Variants in PRKD1 observed in about 807,000 individuals in gnomAD.
PRKD1 encodes serine/threonine-protein kinase D1.
PRKD1 carries 63 observed loss-of-function variants against 95.9 expected under a neutral mutation model. That is an observed-to-expected ratio of 0.66 (90% CI 0.54 to 0.81). PRKD1 has a LOEUF of 0.81. Ranked by LOEUF, PRKD1 falls within the 30% of genes least tolerant of loss-of-function variation. PRKD1 has a pLI of 0.00. For synonymous variants in PRKD1, 425 were observed against 423.1 expected (o/e 1.00, Z -0.05); for missense variants, 1,048 against 1,165.3 (o/e 0.90, Z 1.47).
intron 1 of PRKD1, among the ~76,000 whole-genome samples, chr14:29,771,981 A>G (rs571306626): frequency 6.6e-6 from 1 of 152,362 alleles, no homozygotes; most frequent in South Asian, 2.1e-4. Flanking sequence ...TTCAAAATGC[A>G]TAATTTGTTT....
At chr14:29,788,298 G>C (rs1341923972) in intron 1 of PRKD1, among the ~76,000 whole-genome samples, 4 of 152,084 alleles carry the variant, frequency 2.6e-5, no homozygotes, top group Admixed American at 2.0e-4. Flanking sequence ...CTCTGATGGG[G>C]ATTCCCTTAC....
At chr14:29,603,320 A>C (rs2139024924) in intron 13 of PRKD1, among the ~76,000 whole-genome samples, 1 of 152,358 alleles carries the variant, frequency 6.6e-6, no homozygotes, top group East Asian at 1.9e-4. Context: ...AGGCCATCAT[A>C]GATACTTACT....
chr14:29,741,891 T>C (rs1299670252), intron 1 of PRKD1, among the ~76,000 whole-genome samples: 1 of 152,144 alleles, frequency 6.6e-6, no homozygotes. Context: ...ATTAATATTA[T>C]GACATTTTTA....
intron 2 of PRKD1, among the ~76,000 whole-genome samples, chr14:29,682,666 C>A (rs1034323060): frequency 1.3e-5 from 2 of 152,074 alleles, no homozygotes; most frequent in African/African-American, 4.8e-5. Context: ...CGTTCAAGTG[C>A]TCATGGAACT....
chr14:29,646,061 G>T (rs1304868243), intron 4 of PRKD1, among the ~76,000 whole-genome samples: 2 of 152,116 alleles, frequency 1.3e-5, no homozygotes, highest in African/African-American at 4.8e-5. Flanking sequence ...GTGTCACAAA[G>T]AATAATTGCT....
Position 29,599,639 on chromosome 14 carries a change from T to A in PRKD1, c.2067+17A>T, listed in dbSNP as rs1594350859. ...TATTAAATATTGTATTTTTTCCGTC[T>A]CTAATTGATTTCTTACCTGAGTAAT... On this transcript the variant is annotated intron_variant, in intron 14 of 17. Coordinates refer to ENST00000331968, the MANE Select transcript of PRKD1 (RefSeq NM_002742.3). 1 of 1,597,834 alleles carries A rather than the reference T, an allele frequency of 6.3e-7. No homozygotes were observed. Among genetic ancestry groups the A allele is most frequent in the Non-Finnish European group, 8.5e-7 (1 of 1,170,800 alleles).
At chr14:29,818,140 T>C (rs935413472) in intron 1 of PRKD1, among the ~76,000 whole-genome samples, 2 of 152,202 alleles carry the variant, frequency 1.3e-5, no homozygotes, top group Admixed American at 6.5e-5. Flanking sequence ...AAGATGACCA[T>C]GCTTGGAAAG....
chr14:29,777,708 C>G (rs1394051643), intron 1 of PRKD1, among the ~76,000 whole-genome samples: 1 of 152,144 alleles, frequency 6.6e-6, no homozygotes, highest in African/African-American at 2.4e-5. Context: ...GACTTTACCA[C>G]CCCACTGTCA....
At chr14:29,665,000 T>C (rs964077567) in intron 3 of PRKD1, among the ~76,000 whole-genome samples, 3 of 152,152 alleles carry the variant, frequency 2.0e-5, no homozygotes, top group Admixed American at 6.5e-5. Flanking sequence ...TGATAAAATA[T>C]TGAGCACCAT....
chr14:29,733,275 T>G (rs1457451747), intron 1 of PRKD1, among the ~76,000 whole-genome samples: 1 of 151,852 alleles, frequency 6.6e-6, no homozygotes, highest in Non-Finnish European at 1.5e-5. Context: ...GCTAATTTTT[T>G]GTATTTTTAG....
At chr14:29,750,616 G>GCGCGCACACACACACACACA (rs72239992) in intron 1 of PRKD1, among the ~76,000 whole-genome samples, 5 of 148,374 alleles carry the variant, frequency 3.4e-5, no homozygotes, top group African/African-American at 1.2e-4. Context: ...ATGAACGCGC[G>GCGCGCACACACACACACACA]CACACACACA....
In PRKD1 at chr14:29,728,052, C is replaced by G. The variant is rs529467365; in HGVS notation, c.265-2378G>C. 1.7e-3 allele frequency among the ~76,000 whole-genome samples: 255 copies of G among 151,964 alleles called. 1 individual carries two copies. Among genetic ancestry groups the G allele is most frequent in the Non-Finnish European group, 2.8e-3 (190 of 67,974 alleles). On this transcript the variant is annotated intron_variant, in intron 1 of 17. Transcript: ENST00000331968. The stretch of plus-strand genomic sequence containing the variant: ...GGAGGGATAGCATTGGGAGATATAC[C>G]TAATGCTAGATGACGAGTTAGTGGG...
intron 15 of PRKD1, among the ~76,000 whole-genome samples, 172 bp from the exon 16 acceptor site, chr14:29,597,930 G>T (rs1268444748): frequency 2.0e-5 from 3 of 152,100 alleles, no homozygotes; most frequent in African/African-American, 7.2e-5. Flanking sequence ...TGAAGACAGT[G>T]GTTTATGTAG....
At chr14:29,870,810 T>C (rs535919468) in intron 1 of PRKD1, among the ~76,000 whole-genome samples, 1 of 152,352 alleles carries the variant, frequency 6.6e-6, no homozygotes, top group African/African-American at 2.4e-5. Flanking sequence ...AGATCATGTT[T>C]ATATTGTTTA....
intron 1 of PRKD1, among the ~76,000 whole-genome samples, chr14:29,790,897 G>A (rs1187964671): frequency 6.6e-6 from 1 of 152,114 alleles, no homozygotes; most frequent in African/African-American, 2.4e-5. Context: ...GTGTTACAGA[G>A]GTGTACAGGA....
At chr14:29,768,363 G>A (rs1888345495) in intron 1 of PRKD1, among the ~76,000 whole-genome samples, 1 of 152,108 alleles carries the variant, frequency 6.6e-6, no homozygotes, top group Non-Finnish European at 1.5e-5. Context: ...TGCATTTTTG[G>A]AAGCTAATTC....
At chr14:29,737,182 C>T (rs1026542558) in intron 1 of PRKD1, among the ~76,000 whole-genome samples, 5 of 150,442 alleles carry the variant, frequency 3.3e-5, no homozygotes, top group Non-Finnish European at 7.4e-5. Context: ...ATTAGCCGGG[C>T]GCGGTGGCGG....
At chr14:29,745,422 A>C (rs997455805) in intron 1 of PRKD1, among the ~76,000 whole-genome samples, 1 of 152,208 alleles carries the variant, frequency 6.6e-6, no homozygotes, top group Non-Finnish European at 1.5e-5. Context: ...AATAAGTCAC[A>C]ACGTGAGCTG....
chr14:29,581,984 T>C (rs1488397878), intron 16 of PRKD1, among the ~76,000 whole-genome samples: 3 of 152,178 alleles, frequency 2.0e-5, no homozygotes, highest in Non-Finnish European at 2.9e-5. Flanking sequence ...AGTATTCCTA[T>C]GTAGCTCATA....
Sources: allele counts gnomAD v4.1 joint callset (sites outside exome capture counted in the v4.1 genomes callset), GRCh38; gene constraint gnomAD v4.1.1; transcripts MANE v1.5; gene names NCBI Gene and HGNC (gene_info 2026-07-23, HGNC 2026-07-21).